DCX: variants seen among roughly 807,000 people sequenced by gnomAD.
DCX encodes neuronal migration protein doublecortin.
In DCX, 4 loss-of-function variants were observed where a neutral mutation model predicts 20.9. That is an observed-to-expected ratio of 0.19 (90% CI 0.09 to 0.44). The LOEUF is 0.44. Ranked by LOEUF, DCX falls within the 20% of genes least tolerant of loss-of-function variation. The pLI, the probability that DCX is intolerant of heterozygous loss-of-function variation, is 0.99. For missense variants in DCX, 133 were observed against 296.9 expected, an observed-to-expected ratio of 0.45 and a Z score of 4.06; for synonymous variants, 103 against 111.4, an observed-to-expected ratio of 0.92 and a Z score of 0.47.
intron 2 of DCX, among the ~76,000 whole-genome samples, chrX:111,404,858 C>T (rs764339144): frequency 2.7e-5 from 3 of 112,646 alleles, no homozygotes; most frequent in Admixed American, 9.4e-5. Flanking sequence ...GCTGCCAGAG[C>T]TCAGTGCCTC....
At chrX:111,321,671 C>A (rs2095086875) in intron 5 of DCX, among the ~76,000 whole-genome samples, 1 of 111,033 alleles carries the variant, frequency 9.0e-6, no homozygotes, top group African/African-American at 3.3e-5. Flanking sequence ...GGTCACTAGC[C>A]AGGCAGAGTG....
intron 3 of DCX, among the ~76,000 whole-genome samples, chrX:111,400,624 G>A (rs1927696492): frequency 8.9e-6 from 1 of 111,786 alleles, no homozygotes; most frequent in Admixed American, 9.5e-5. Flanking sequence ...GTAATGAATG[G>A]GCAAATATCA....
intron 3 of DCX, among the ~76,000 whole-genome samples, chrX:111,375,464 T>C (rs207478737): frequency 9.0e-6 from 1 of 111,067 alleles, no homozygotes; most frequent in Admixed American, 9.6e-5. Flanking sequence ...TTTCCATGAG[T>C]AGTCTAGACA....
intron 6 of DCX, among the ~76,000 whole-genome samples, chrX:111,303,706 A>C (rs1461881777): frequency 9.0e-6 from 1 of 111,507 alleles, no homozygotes; most frequent in African/African-American, 3.3e-5. Context: ...TCCAGCTCTG[A>C]GACTATAATT....
At chrX:111,332,181 T>C (rs887111133) in intron 4 of DCX, among the ~76,000 whole-genome samples, 4 of 112,552 alleles carry the variant, frequency 3.6e-5, no homozygotes, top group African/African-American at 1.3e-4. Context: ...TTGTTTTGGT[T>C]GGTGACCTTT....
At chrX:111,409,045 G>A (rs1425577638) in intron 2 of DCX, among the ~76,000 whole-genome samples, 1 of 111,663 alleles carries the variant, frequency 9.0e-6, no homozygotes, top group African/African-American at 3.3e-5. Flanking sequence ...GATAATGGGG[G>A]AGGGGCTTGA....
intron 3 of DCX, among the ~76,000 whole-genome samples, chrX:111,378,920 A>G (rs930799866): frequency 2.7e-5 from 3 of 111,923 alleles, no homozygotes; most frequent in Non-Finnish European, 3.8e-5. Flanking sequence ...ACATAGCATT[A>G]GGCTCTCTTG....
intron 1 of DCX, chrX:111,411,106 C>A: frequency 1.8e-6 from 1 of 545,220 alleles, no homozygotes; most frequent in Admixed American, 3.1e-5. Context: ...ACCCTTTCCC[C>A]ACCAAGCTGG....
rs184036389 is a variant in DCX at position 111,365,036 on chromosome X, C to T, written c.706-31883G>A. Among the ~76,000 whole-genome samples the T allele has an allele frequency of 5.7e-3, 613 of 107,912 alleles. 7 individuals are homozygous for T. The highest frequency in any genetic ancestry group is 0.019 in the African/African-American group (562 of 29,759). The allele number at this position is 107,912 out of a possible 115,157, so 93.7% of individuals were successfully genotyped here. On this transcript the variant is annotated intron_variant, in intron 3 of 6. Coordinates refer to ENST00000636035, the MANE Select transcript of DCX (RefSeq NM_001195553.2). The stretch of plus-strand genomic sequence containing the variant: ...CCTCCCAAGCAGATGGGACTGCAGG[C>T]GCACACCACCAAGCTCAGCTAATTT...
chrX:111,405,689 AT>A (rs1270569900), intron 2 of DCX, among the ~76,000 whole-genome samples: 54 of 111,349 alleles, frequency 4.8e-4, no homozygotes, highest in Non-Finnish European at 9.2e-4. Context: ...TCTAAAAAAA[AT>A]AAATAAAATA....
chrX:111,382,461 C>T (rs1319849077), intron 3 of DCX, among the ~76,000 whole-genome samples: 1 of 111,880 alleles, frequency 8.9e-6, no homozygotes, highest in Non-Finnish European at 1.9e-5. Context: ...TTATCACAAC[C>T]TCTCCACCTC....
At chrX:111,325,348 G>C (rs978887049) in intron 5 of DCX, among the ~76,000 whole-genome samples, 3 of 111,416 alleles carry the variant, frequency 2.7e-5, no homozygotes, top group African/African-American at 9.8e-5. Flanking sequence ...GGGACACTGC[G>C]AATAATGCTT....
At chrX:111,386,405 A>G (rs751902399) in intron 3 of DCX, among the ~76,000 whole-genome samples, 1 of 111,010 alleles carries the variant, frequency 9.0e-6, no homozygotes, top group East Asian at 2.9e-4. Context: ...AAAAATATCT[A>G]CAAGCAAAGT....
chrX:111,368,967 A>C (rs1346141489), intron 3 of DCX, among the ~76,000 whole-genome samples: 1 of 109,258 alleles, frequency 9.2e-6, no homozygotes, highest in Non-Finnish European at 1.9e-5. Flanking sequence ...TCACATGATC[A>C]CAAGGTTCCA....
intron 6 of DCX, among the ~76,000 whole-genome samples, chrX:111,311,799 G>A (rs1304151443): frequency 8.9e-6 from 1 of 112,499 alleles, no homozygotes; most frequent in Non-Finnish European, 1.9e-5. Context: ...CTCTGATTCT[G>A]TGATGCAGTT....
intron 2 of DCX, among the ~76,000 whole-genome samples, chrX:111,403,791 A>G (rs1927992921): frequency 8.9e-6 from 1 of 112,233 alleles, no homozygotes; most frequent in Non-Finnish European, 1.9e-5. Context: ...CATGCCTGTC[A>G]TCCTGACACT....
intron 4 of DCX, among the ~76,000 whole-genome samples, chrX:111,331,743 C>T (rs886534577): frequency 1.8e-5 from 2 of 112,300 alleles, no homozygotes; most frequent in African/African-American, 6.5e-5. Context: ...ACCTTTGGAA[C>T]ACCCTTTCTA....
At chrX:111,391,001 T>TAAAAAAA (rs56173739) in intron 3 of DCX, among the ~76,000 whole-genome samples, 1 of 82,259 alleles carries the variant, frequency 1.2e-5, no homozygotes, top group Non-Finnish European at 2.3e-5. Flanking sequence ...GATATCCTGC[T>TAAAAAAA]AAAAAAAAAA....
chrX:111,382,127 A>C (rs1926020686), intron 3 of DCX, among the ~76,000 whole-genome samples: 2 of 112,068 alleles, frequency 1.8e-5, no homozygotes, highest in African/African-American at 3.2e-5. Context: ...ACAAGTTCCC[A>C]GATGACGCTG....
Sources: gnomAD v4.1 joint callset for allele counts (sites outside exome capture counted in the v4.1 genomes callset) on GRCh38, gnomAD v4.1.1 for gene constraint, MANE v1.5 for transcripts, NCBI Gene and HGNC (gene_info 2026-07-23, HGNC 2026-07-21) for gene names.